Variants in HMCN1 observed in about 807,000 individuals in gnomAD.
HMCN1 encodes the protein hemicentin-1.
Under a neutral mutation model 625.9 loss-of-function variants are expected in HMCN1, and 321 were observed. The observed-to-expected ratio is 0.51, with a 90% CI of 0.47 to 0.56. HMCN1 has a LOEUF of 0.56. Ranked by LOEUF, HMCN1 falls within the 20% of genes least tolerant of loss-of-function variation. The pLI is 0.00. For missense variants in HMCN1, 6,588 were observed against 6,887.3 expected, an observed-to-expected ratio of 0.96 and a Z score of 1.54; for synonymous variants, 2,425 against 2,417.6, an observed-to-expected ratio of 1.00 and a Z score of -0.09.
intron 1 of HMCN1, among the ~76,000 whole-genome samples, chr1:185,776,929 A>G (rs552303924): frequency 1.2e-4 from 19 of 152,274 alleles, no homozygotes; most frequent in Non-Finnish European, 2.5e-4. Context: ...TGTTAAGAAT[A>G]GAATTGCCTT....
intron 2 of HMCN1, among the ~76,000 whole-genome samples, chr1:185,856,906 C>T (rs1662502637): frequency 6.6e-6 from 1 of 152,152 alleles, no homozygotes. Context: ...TCTGGTCCAT[C>T]ATTTGATGTA....
chr1:186,076,555 T>A lies in HMCN1; in HGVS notation c.8418T>A (p.Pro2806=). ...ACTGTGAGACAAATGCTGCTCCCCC[T>A]CCTACACTGACATGGTACAAAGATG... ...SLYCETNAAP[P]PTLTWYKDGH... is the part of the protein sequence containing the mutation. The change falls in exon 54 of 107, where the codon CCT becomes CCA. Residue 2806 remains proline (P), a synonymous_variant. Coordinates refer to ENST00000271588, the MANE Select transcript of HMCN1 (RefSeq NM_031935.3). The A allele has an allele frequency of 6.2e-7, 1 of 1,613,736 alleles. No homozygotes were observed. Among genetic ancestry groups the A allele is most frequent in the Non-Finnish European group, 8.5e-7 (1 of 1,179,772 alleles).
At chr1:186,189,445 T>C in intron 106 of HMCN1, 67 bp from the exon 107 acceptor site, 1 of 1,574,080 alleles carries the variant, frequency 6.4e-7, no homozygotes, top group South Asian at 1.1e-5. Flanking sequence ...TGGATCATGA[T>C]CACCTATATC....
At chr1:185,885,513 T>A (rs1664589499) in intron 4 of HMCN1, among the ~76,000 whole-genome samples, 1 of 150,270 alleles carries the variant, frequency 6.7e-6, no homozygotes, top group South Asian at 2.1e-4. Context: ...ACAAATTTCC[T>A]GACGTTTTTT....
chr1:186,023,129 C>T lies in HMCN1; in HGVS notation c.5725C>T (p.Gln1909Ter). The T allele has an allele frequency of 1.9e-6, 3 of 1,613,080 alleles. No individual in the cohort carries two copies. The highest frequency in any genetic ancestry group is 2.5e-6 in the Non-Finnish European group (3 of 1,179,246). ...VATNAAGETQ[Q>*]HIQLHVHEPP... The stretch of plus-strand genomic sequence containing the variant: ...TACCAACGCAGCTGGAGAAACACAA[C>T]AGCACATTCAACTGCATGTTCATGG... Residue 1909 changes from glutamine (Q) to a stop codon, truncating the protein, a stop_gained, in exon 36 of 107, where the codon CAG becomes TAG. Coordinates refer to ENST00000271588, the MANE Select transcript of HMCN1 (RefSeq NM_031935.3). LOFTEE classifies it high-confidence loss of function.
In HMCN1 at chr1:186,182,148, T is replaced by C; in HGVS notation, c.16295-20T>C. On this transcript the variant is annotated intron_variant, in intron 104 of 106. Coordinates refer to ENST00000271588, the MANE Select transcript of HMCN1 (RefSeq NM_031935.3). The stretch of plus-strand genomic sequence containing the variant: ...CTTTTTTCTTGTGTAGTGATAACTC[T>C]CTGTCTTCTTCCTGAACAGATATTG... 5 of 1,612,592 alleles carry C rather than the reference T, an allele frequency of 3.1e-6. No homozygotes were observed. Among genetic ancestry groups the C allele is most frequent in the Non-Finnish European group, 4.2e-6 (5 of 1,178,828 alleles).
intron 7 of HMCN1, among the ~76,000 whole-genome samples, chr1:185,922,833 C>G (rs1364218910): frequency 2.0e-5 from 3 of 152,132 alleles, no homozygotes; most frequent in Non-Finnish European, 4.4e-5. Context: ...GAATTACTAA[C>G]CCAGATCTTG....
At chr1:186,115,150 T>C (rs923622628) in intron 74 of HMCN1, 108 bp from the exon 75 acceptor site, 1 of 1,458,424 alleles carries the variant, frequency 6.9e-7, no homozygotes, top group African/African-American at 1.4e-5. Context: ...TGTTTGCTCA[T>C]AACTATGAGG....
chr1:186,119,150 T>G, intron 77 of HMCN1, 41 bp from the exon 78 acceptor site: 1 of 1,412,900 alleles, frequency 7.1e-7, no homozygotes, highest in Non-Finnish European at 1.0e-6. Context: ...CTAAAAAAAC[T>G]GAGATGCAGT....
rs570752805 is a variant in HMCN1, at chr1:186,033,636, G to A, written c.5750-4298G>A. Among the ~76,000 whole-genome samples, 12 of 151,858 alleles carry A rather than the reference G, an allele frequency of 7.9e-5. No individual in the cohort carries two copies. In the East Asian group the frequency reaches 2.1e-3, roughly 27 times the overall value. On this transcript the variant is annotated intron_variant, in intron 36 of 106. Transcript: ENST00000271588. ...AAAAATTTCCCATCCGTGGTTGATT[G>A]ACACTGCAGATAGAGAGGGCCAATT...
At position 185,788,756 on chromosome 1, in the gene HMCN1, G is replaced by T. The variant is rs150392995; in HGVS notation, c.268+53709G>T. 2.2e-3 allele frequency among the ~76,000 whole-genome samples: 329 copies of T among 152,076 alleles called. 1 individual carries two copies. Among genetic ancestry groups the T allele is most frequent in the African/African-American group, 7.5e-3 (311 of 41,426 alleles). On this transcript the variant is annotated intron_variant, in intron 1 of 106. Transcript: ENST00000271588. Reference sequence around the variant, plus strand: ...TTGTTTCATTTTGTGAGGACATGAGGTTGTCCCCAAGTGCAGTTTTTCTTT... The same window carrying T: ...TTGTTTCATTTTGTGAGGACATGAGTTTGTCCCCAAGTGCAGTTTTTCTTT...
intron 1 of HMCN1, among the ~76,000 whole-genome samples, chr1:185,823,174 TACTG>T (rs141332306): frequency 0.031 from 4,680 of 152,240 alleles, 253 homozygotes; most frequent in African/African-American, 0.11. Flanking sequence ...CATTAACTCC[TACTG>T]ACTATTAAAT....
intron 11 of HMCN1, among the ~76,000 whole-genome samples, chr1:185,951,768 C>T (rs1649168363): frequency 6.6e-6 from 1 of 151,708 alleles, no homozygotes; most frequent in Non-Finnish European, 1.5e-5. Flanking sequence ...GTAGCAAGCT[C>T]CTGGGGGAGG....
At chr1:185,852,577 T>TACACACACACAC (rs67719442) in intron 2 of HMCN1, among the ~76,000 whole-genome samples, 1 of 135,516 alleles carries the variant, frequency 7.4e-6, no homozygotes, top group Admixed American at 7.6e-5. Flanking sequence ...ACAAATATCC[T>TACACACACACAC]ACACACACAC....
At chr1:186,080,100 A>G (rs751040272) in intron 55 of HMCN1, among the ~76,000 whole-genome samples, 5 of 152,224 alleles carry the variant, frequency 3.3e-5, no homozygotes, top group Admixed American at 2.0e-4. Context: ...TTTATTATTT[A>G]GTAATCTGCA....
At chr1:185,764,767 A>G (rs1025161958) in intron 1 of HMCN1, among the ~76,000 whole-genome samples, 1 of 152,192 alleles carries the variant, frequency 6.6e-6, no homozygotes, top group Non-Finnish European at 1.5e-5. Context: ...ATTTGAATAA[A>G]GTCTATATGA....
chr1:185,846,531 T>C (rs1156244919), intron 2 of HMCN1, among the ~76,000 whole-genome samples: 1 of 152,246 alleles, frequency 6.6e-6, no homozygotes, highest in African/African-American at 2.4e-5. Context: ...TGTTTGACTG[T>C]ACATATAACT....
chr1:186,138,368 C>T (rs556263261), intron 89 of HMCN1, among the ~76,000 whole-genome samples: 22 of 152,126 alleles, frequency 1.4e-4, no homozygotes, highest in South Asian at 4.1e-4. Context: ...AAATACGAAT[C>T]GCTGTCATTC....
At chr1:186,071,200 A>G (rs974969691) in intron 52 of HMCN1, among the ~76,000 whole-genome samples, 1 of 152,210 alleles carries the variant, frequency 6.6e-6, no homozygotes, top group African/African-American at 2.4e-5. Context: ...AATGACAGGT[A>G]TAACATGGGT....
Sources: gnomAD v4.1 joint callset for allele counts (sites outside exome capture counted in the v4.1 genomes callset) on GRCh38, gnomAD v4.1.1 for gene constraint, MANE v1.5 for transcripts, NCBI Gene and HGNC (gene_info 2026-07-23, HGNC 2026-07-21) for gene names.